The following BRWD3 variants were observed in gnomAD, a reference collection of about 807,000 sequenced individuals.
BRWD3 encodes bromodomain and WD repeat domain containing 3.
BRWD3 carries 10 observed loss-of-function variants against 149.7 expected under a neutral mutation model. That is an observed-to-expected ratio of 0.07 (90% confidence interval 0.04 to 0.11). The LOEUF (loss-of-function observed/expected upper bound fraction) is 0.11. Among genes scored for constraint, BRWD3 ranks in the 10% least tolerant of loss-of-function variants. The pLI is 1.00. For synonymous variants in BRWD3, 504 were observed against 456.7 expected, an observed-to-expected ratio of 1.10 and a Z score of -1.32; for missense variants, 940 against 1,373.2, an observed-to-expected ratio of 0.68 and a Z score of 4.99.
At chrX:80,685,603 A>G in intron 35 of BRWD3, 67 bp from the exon 36 acceptor site, 1 of 852,479 alleles carries the variant, frequency 1.2e-6, no homozygotes, top group South Asian at 2.1e-5. Flanking sequence ...CGTGTAATAC[A>G]ATTATGACTT....
chrX:80,785,989 A>G (rs955069045), intron 6 of BRWD3, among the ~76,000 whole-genome samples: 8 of 112,166 alleles, frequency 7.1e-5, no homozygotes, highest in African/African-American at 2.6e-4. Context: ...AGATAGTGCC[A>G]CTGCACTCCA....
In BRWD3 at chrX:80,670,803, A is replaced by G. The variant is rs952321120; in HGVS notation, c.*5806T>C. The G allele has an allele frequency of 9.0e-6, 1 of 111,478 alleles. No individual in the cohort carries two copies. The highest frequency in any genetic ancestry group is 3.3e-5 in the African/African-American group (1 of 30,663). The allele number at this position is 111,478 out of a possible 1,213,427, so 9.2% of individuals were successfully genotyped here. ...AATTAAGCAACTAAACAAAAATACC[A>G]AACAACTTATCTCCACTTCAATCTC... On this transcript the variant is annotated 3_prime_UTR_variant, in exon 41 of 41. Transcript: ENST00000373275.
In BRWD3 at chrX:80,687,019, G is replaced by C. The variant is rs2072536312; in HGVS notation, c.3865-16C>G. ...GGCATTTGACCTACAGATTTTAATAGAGTTATATCTAAAAGATCTTTCCTT... is the reference window on the plus strand; with the variant it reads ...GGCATTTGACCTACAGATTTTAATACAGTTATATCTAAAAGATCTTTCCTT... On this transcript the variant is annotated splice_polypyrimidine_tract_variant and intron_variant, in intron 34 of 40. Transcript: ENST00000373275. The C allele has an allele frequency of 8.3e-7, 1 of 1,202,374 alleles. No homozygotes were observed. The highest frequency in any genetic ancestry group is 1.1e-6 in the Non-Finnish European group (1 of 888,773).
In BRWD3 at chrX:80,684,036, C is replaced by A. The variant is rs1375305924; in HGVS notation, c.4207G>T (p.Ala1403Ser). ...CTTGACTTTTTATTAGAGGTATAAG[C>A]TTTGGAGTTGTTGAATATTTGGCGA... ...DVRQIFNNSKAYTSNKKSRIY... is the reference protein window; with the variant it reads ...DVRQIFNNSKSYTSNKKSRIY... Residue 1403 changes from alanine (A) to serine (S), a missense_variant, in exon 37 of 41, where the codon GCT becomes TCT. Around this residue, in one of 6 missense-constraint regions of BRWD3, gnomAD observed 349 missense variants for 419.6 expected, o/e 0.83. Coordinates refer to ENST00000373275, the MANE Select transcript of BRWD3 (RefSeq NM_153252.5). 1 of 1,208,671 alleles carries A rather than the reference C, an allele frequency of 8.3e-7. No homozygotes were observed. Among genetic ancestry groups the A allele is most frequent in the African/African-American group, 1.7e-5 (1 of 57,642 alleles).
At chrX:80,716,035 T>C in intron 20 of BRWD3, 122 bp downstream of exon 20, 1 of 503,046 alleles carries the variant, frequency 2.0e-6, no homozygotes, top group South Asian at 3.2e-5. Flanking sequence ...AAAAAGTAGG[T>C]TCCCTATATG....
chrX:80,692,193 T>C (rs772640232), intron 28 of BRWD3, 43 bp from the exon 29 acceptor site: 1 of 1,111,856 alleles, frequency 9.0e-7, no homozygotes, highest in South Asian at 1.9e-5. Context: ...AATCATATAG[T>C]ACTTCCTTTC....
intron 17 of BRWD3, among the ~76,000 whole-genome samples, chrX:80,719,870 G>C (rs2073119865): frequency 9.0e-6 from 1 of 111,683 alleles, no homozygotes; most frequent in African/African-American, 3.3e-5. Flanking sequence ...ATTATTATGA[G>C]AGCCTTCTCA....
intron 6 of BRWD3, among the ~76,000 whole-genome samples, chrX:80,776,068 C>T (rs1358408026): frequency 8.9e-6 from 1 of 112,120 alleles, no homozygotes; most frequent in African/African-American, 3.2e-5. Flanking sequence ...TCAATGTTGT[C>T]TATTTAATGA....
At chrX:80,699,270 G>C (rs1039889683) in intron 25 of BRWD3, among the ~76,000 whole-genome samples, 20 of 110,847 alleles carry the variant, frequency 1.8e-4, no homozygotes, top group Admixed American at 1.1e-3. Flanking sequence ...TATCCTTCCT[G>C]TCAAGAATCA....
At chrX:80,684,289 C>A in intron 36 of BRWD3, 127 bp from the exon 37 acceptor site, 1 of 580,532 alleles carries the variant, frequency 1.7e-6, no homozygotes. Flanking sequence ...TGCCAACTAC[C>A]TCCCCACAAC....
chrX:80,761,034 G>A (rs1214912743), intron 6 of BRWD3, among the ~76,000 whole-genome samples: 3 of 110,790 alleles, frequency 2.7e-5, no homozygotes, highest in Non-Finnish European at 5.7e-5. Context: ...GTGACAGAGT[G>A]AGACTCTATC....
chrX:80,692,004 ATT>A, intron 29 of BRWD3, 26 bp from the exon 30 acceptor site: 1 of 1,169,463 alleles, frequency 8.6e-7, no homozygotes, highest in Non-Finnish European at 1.2e-6. Context: ...AAAAAAAAAA[ATT>A]AGAAAAAATT....
intron 23 of BRWD3, 56 bp from the exon 24 acceptor site, chrX:80,703,649 A>G: frequency 1.2e-6 from 1 of 826,244 alleles, no homozygotes; most frequent in Non-Finnish European, 1.8e-6. Context: ...CCAATACATA[A>G]AACACATAAA....
intron 13 of BRWD3, 85 bp downstream of exon 13, chrX:80,729,831 T>C (rs1332882172): frequency 3.0e-6 from 2 of 662,540 alleles, no homozygotes; most frequent in African/African-American, 4.4e-5. Context: ...TATTTATTAA[T>C]GTAAAAAGAT....
In BRWD3 at chrX:80,717,658, G is replaced by A. The variant is rs2073092420; in HGVS notation, c.2146C>T (p.Pro716Ser). Residue 716 changes from proline (P) to serine (S), a missense_variant, in exon 19 of 41, where the codon CCT (proline) becomes TCT (serine). Physicochemically the swap from Pro to Ser is moderately conservative, Grantham distance 74 (BLOSUM62 -1). Transcript: ENST00000373275. The part of the protein sequence containing the change: ...EGVRQMHNNA[P>S]RSQMATERDL... ...CTTTCAGTGGCCATCTGGCTCCGAG[G>A]AGCATTGTTATGCATTTGTCTAACA... 2 of 1,210,953 alleles carry A rather than the reference G, an allele frequency of 1.7e-6. No individual in the cohort carries two copies. The highest frequency in any genetic ancestry group is 2.2e-6 in the Non-Finnish European group (2 of 894,879).
At chrX:80,691,574 C>A (rs1264388674) in intron 30 of BRWD3, among the ~76,000 whole-genome samples, 3 of 111,585 alleles carry the variant, frequency 2.7e-5, no homozygotes, top group Non-Finnish European at 5.6e-5. Flanking sequence ...CAAAGTGATT[C>A]AAAAAGGAAA....
chrX:80,808,389 A>G, intron 4 of BRWD3, 150 bp downstream of exon 4: 1 of 503,378 alleles, frequency 2.0e-6, no homozygotes, highest in Non-Finnish European at 3.5e-6. Flanking sequence ...TTTTCCGACT[A>G]GCAGGGATGG....
At chrX:80,689,640 G>A in intron 33 of BRWD3, 128 bp downstream of exon 33, 1 of 555,426 alleles carries the variant, frequency 1.8e-6, no homozygotes, top group Admixed American at 2.8e-5. Context: ...TTTAAAAGAC[G>A]CTGGTATTCA....
At chrX:80,739,214 C>G (rs1313488978) in intron 8 of BRWD3, among the ~76,000 whole-genome samples, 2 of 111,456 alleles carry the variant, frequency 1.8e-5, no homozygotes, top group Non-Finnish European at 3.8e-5. Flanking sequence ...GATTTGCTGA[C>G]AAGTTAGACA....
Sources: allele counts gnomAD v4.1 joint callset (sites outside exome capture counted in the v4.1 genomes callset), GRCh38; gene constraint gnomAD v4.1.1; regional missense constraint gnomAD v4.1.1; transcripts MANE v1.5; gene names NCBI Gene and HGNC (gene_info 2026-07-23, HGNC 2026-07-21).